The following DYDC2 variants were observed in gnomAD, a reference collection of about 807,000 sequenced individuals.
DYDC2 encodes the protein DPY30 domain containing 2, also known as DPY30 domain-containing protein 2.
In DYDC2, 19 loss-of-function variants were observed where a neutral mutation model predicts 18.7. That is an observed-to-expected ratio of 1.02 (90% CI 0.71 to 1.49). The LOEUF (loss-of-function observed/expected upper bound fraction) is 1.49. DYDC2 is among the 40% of genes most tolerant of loss of function. The pLI is 0.00. For missense variants in DYDC2, 179 were observed against 205.1 expected (o/e 0.87, Z 0.78); for synonymous variants, 63 against 67.6 (o/e 0.93, Z 0.34).
upstream of DYDC2, among the ~76,000 whole-genome samples, chr10:80,353,310 A>G (rs1471671013): frequency 2.0e-5 from 3 of 151,476 alleles, no homozygotes; most frequent in African/African-American, 7.3e-5. Context: ...CTCTAATTCC[A>G]TGGACATGTC....
At chr10:80,356,885 G>T in intron 1 of DYDC2, 60 bp downstream of exon 1, 1 of 979,376 alleles carries the variant, frequency 1.0e-6, no homozygotes, top group South Asian at 4.7e-5. Context: ...AGGAGAGGGC[G>T]TGCAGGAGTA....
intron 2 of DYDC2, among the ~76,000 whole-genome samples, chr10:80,359,036 T>G (rs180803703): frequency 1.1e-4 from 17 of 152,078 alleles, no homozygotes; most frequent in African/African-American, 4.1e-4. Flanking sequence ...AAGCTTCCAG[T>G]GTGGAAGGGA....
At chr10:80,362,782 G>A (rs899457424) in intron 3 of DYDC2, among the ~76,000 whole-genome samples, 169 bp from the exon 4 acceptor site, 1 of 152,084 alleles carries the variant, frequency 6.6e-6, no homozygotes, top group Non-Finnish European at 1.5e-5. Context: ...CAACTCAGAC[G>A]AGCTGTGGAG....
intron 2 of DYDC2, among the ~76,000 whole-genome samples, chr10:80,358,417 C>T (rs117738726): frequency 0.016 from 2,471 of 152,332 alleles, 31 homozygotes; most frequent in Non-Finnish European, 0.026. Context: ...ACTCCTTCCC[C>T]TCCAGCCCTC....
intron 1 of DYDC2, among the ~76,000 whole-genome samples, chr10:80,350,615 A>G (rs1448815329): frequency 2.0e-5 from 3 of 152,192 alleles, no homozygotes; most frequent in Non-Finnish European, 4.4e-5. Flanking sequence ...TTCTACCTCA[A>G]TATCAGGGAT....
chr10:80,362,233 G>A (rs888138943), intron 2 of DYDC2, among the ~76,000 whole-genome samples: 7 of 152,170 alleles, frequency 4.6e-5, no homozygotes, highest in African/African-American at 1.7e-4. Context: ...GTCAGGAGGA[G>A]GCCAGGTCCT....
At chr10:80,348,682 T>TCAAC (rs1489681241) in intron 1 of DYDC2, among the ~76,000 whole-genome samples, 3 of 152,162 alleles carry the variant, frequency 2.0e-5, no homozygotes, top group African/African-American at 7.2e-5. Context: ...CCATCAACCT[T>TCAAC]CAGTTGGAAG....
chr10:80,348,551 T>C (rs118050437), intron 1 of DYDC2, among the ~76,000 whole-genome samples: 122 of 152,324 alleles, frequency 8.0e-4, no homozygotes, highest in Non-Finnish European at 1.5e-3. Context: ...CCAAACAAAT[T>C]GTCAGTGGAT....
upstream of DYDC2, chr10:80,351,986 G>C: frequency 2.5e-6 from 4 of 1,614,012 alleles, no homozygotes; most frequent in Non-Finnish European, 3.4e-6. Flanking sequence ...CTCCAGCTTG[G>C]CCATTTCCTT....
chr10:80,359,168 C>G (rs1445748665), intron 2 of DYDC2, among the ~76,000 whole-genome samples: 1 of 152,188 alleles, frequency 6.6e-6, no homozygotes, highest in Non-Finnish European at 1.5e-5. Flanking sequence ...TTACAGAGAG[C>G]TGATTGGTCC....
chr10:80,346,444 C>CTTCTTTTTTTTTTT (rs1842630535), intron 1 of DYDC2, among the ~76,000 whole-genome samples: 1 of 83,360 alleles, frequency 1.2e-5, no homozygotes, highest in Non-Finnish European at 2.2e-5. Context: ...TCTTCCCTTT[C>CTTCTTTTTTTTTTT]TTTTTTTTTT....
chr10:80,364,555 A>T (rs533826586), intron 4 of DYDC2, among the ~76,000 whole-genome samples: 137 of 152,370 alleles, frequency 9.0e-4, no homozygotes, highest in African/African-American at 3.2e-3. Flanking sequence ...CAATATTTTG[A>T]ATTGTCTTTT....
At chr10:80,363,334 C>G (rs1243401514) in intron 4 of DYDC2, among the ~76,000 whole-genome samples, 1 of 103,724 alleles carries the variant, frequency 9.6e-6, no homozygotes, top group Non-Finnish European at 1.9e-5. Flanking sequence ...TAAAAAAAAT[C>G]TGTTTTTTTT....
Position 80,363,053 on chromosome 10 carries a change from A to C in DYDC2, c.250A>C (p.Asn84His), listed in dbSNP as rs760097230. Residue 84 changes from asparagine (N) to histidine (H), a missense_variant, in exon 4 of 5, where the codon AAC (asparagine) becomes CAC (histidine). Transcript: ENST00000256039. ...LKQEEYQIQQ[N>H]CEKCHKELTS... Reference sequence around the variant, plus strand: ...ACAGGAAGAGTATCAGATTCAACAGAACTGTGAAAAGTGTCACAAGGTAGG... The same window carrying C: ...ACAGGAAGAGTATCAGATTCAACAGCACTGTGAAAAGTGTCACAAGGTAGG... 1.2e-6 allele frequency: 2 copies of C among 1,613,390 alleles called. No homozygotes were observed. Among genetic ancestry groups the C allele is most frequent in the East Asian group, 4.5e-5 (2 of 44,876 alleles).
intron 4 of DYDC2, among the ~76,000 whole-genome samples, chr10:80,364,867 A>T (rs561266932): frequency 3.0e-4 from 46 of 152,378 alleles, no homozygotes; most frequent in African/African-American, 1.0e-3. Context: ...CAACATTAAG[A>T]TGTGAGTTAC....
upstream of DYDC2, chr10:80,356,363 G>T (rs1181707295): frequency 3.0e-6 from 3 of 985,720 alleles, no homozygotes; most frequent in Non-Finnish European, 2.4e-6. Context: ...CCACACCTGG[G>T]AGACAGCTAG....
intron 2 of DYDC2, among the ~76,000 whole-genome samples, chr10:80,358,360 A>G (rs1843516948): frequency 6.6e-6 from 1 of 152,362 alleles, no homozygotes; most frequent in Non-Finnish European, 1.5e-5. Context: ...CCTGGGCGAC[A>G]GACCAAGGCT....
chr10:80,356,400 G>T (rs962996948), upstream of DYDC2: 2 of 985,514 alleles, frequency 2.0e-6, no homozygotes, highest in African/African-American at 1.7e-5. Flanking sequence ...CTGGGCGGGG[G>T]CACCCGGGCA....
Position 80,367,197 on chromosome 10 carries a change from T to C in DYDC2, c.*246T>C, listed in dbSNP as rs547839254. On this transcript the variant is annotated 3_prime_UTR_variant, in exon 5 of 5. Transcript: ENST00000256039. ...CTTTTTCCTCTTGTTTTATCAACGT[T>C]TTGGAGACTACACAATGAAAACACA... 1.1e-5 allele frequency: 5 copies of C among 439,584 alleles called. No individual in the cohort carries two copies. Among genetic ancestry groups the C allele is most frequent in the South Asian group, 1.0e-4 (3 of 29,694 alleles). 27.2% of individuals were successfully genotyped at this position (439,584 alleles called of 1,614,324 possible).
Sources: allele counts gnomAD v4.1 joint callset (sites outside exome capture counted in the v4.1 genomes callset), GRCh38; gene constraint gnomAD v4.1.1; transcripts MANE v1.5; gene names NCBI Gene and HGNC (gene_info 2026-07-23, HGNC 2026-07-21).